LSM11: variants seen among roughly 807,000 people sequenced by gnomAD.
The protein encoded by LSM11 is U7 snRNA-associated Sm-like protein LSm11.
Under a neutral mutation model 28.1 loss-of-function variants are expected in LSM11, and 14 were observed. The observed-to-expected ratio is 0.50, with a 90% CI of 0.33 to 0.78. The LOEUF is 0.78. Among genes scored for constraint, LSM11 ranks in the 30% least tolerant of loss-of-function variants. The pLI is 0.02. For synonymous variants in LSM11, 207 were observed against 214.2 expected (o/e 0.97, Z 0.30); for missense variants, 495 against 510.6 (o/e 0.97, Z 0.30).
At chr5:157,751,354 A>T in intron 1 of LSM11, 36 bp from the exon 2 acceptor site, 1 of 1,545,064 alleles carries the variant, frequency 6.5e-7, no homozygotes. Flanking sequence ...GAGGGCAGAT[A>T]TTAAAACTGT....
chr5:157,749,059 A>G (rs1334722176), intron 1 of LSM11, among the ~76,000 whole-genome samples: 1 of 152,206 alleles, frequency 6.6e-6, no homozygotes, highest in East Asian at 1.9e-4. Context: ...TGATCACACA[A>G]GGATACAAGG....
In LSM11 at chr5:157,744,089, C is replaced by G; in HGVS notation, c.339C>G (p.Leu113=). ...CGGACCCCGAGCGCATCCAGCGCCTCCGCCGTCTCATGGTGGCCAAAGAGG... is the reference window on the plus strand; with the variant it reads ...CGGACCCCGAGCGCATCCAGCGCCTGCGCCGTCTCATGGTGGCCAAAGAGG... The part of the protein sequence containing the change: ...PAPDPERIQR[L]RRLMVAKEEG... Residue 113 remains leucine (L), a synonymous_variant, in exon 1 of 4, where the codon CTC becomes CTG. Coordinates refer to ENST00000286307, the MANE Select transcript of LSM11 (RefSeq NM_173491.4). The G allele has an allele frequency of 6.7e-7, 1 of 1,486,506 alleles. No individual in the cohort carries two copies. Among genetic ancestry groups the G allele is most frequent in the Non-Finnish European group, 8.9e-7 (1 of 1,124,056 alleles). 92.1% of individuals were successfully genotyped at this position (1,486,506 alleles called of 1,614,324 possible).
chr5:157,746,675 C>T (rs905520444), intron 1 of LSM11, among the ~76,000 whole-genome samples: 1 of 152,050 alleles, frequency 6.6e-6, no homozygotes, highest in African/African-American at 2.4e-5. Context: ...TTTGGGAGGC[C>T]GAGGCGGGCA....
Position 157,755,322 on chromosome 5 carries a change from G to C in LSM11, c.*58G>C, listed in dbSNP as rs944864928. The C allele has an allele frequency of 1.5e-4, 231 of 1,506,584 alleles. No homozygotes were observed. Among genetic ancestry groups the C allele is most frequent in the Admixed American group, 2.4e-4 (13 of 55,000 alleles). 93.3% of individuals were successfully genotyped at this position (1,506,584 alleles called of 1,614,324 possible). On this transcript the variant is annotated 3_prime_UTR_variant, in exon 4 of 4. Transcript: ENST00000286307. ...AAAGTGCATGAATTGCTGCTATGCT[G>C]TATCCTAGTATCCCAGTGAAACTCT... is the stretch of plus-strand genomic sequence containing the variant.
In LSM11 at chr5:157,755,724, A is replaced by T; in HGVS notation, c.*460A>T. The T allele has an allele frequency of 2.5e-6, 1 of 401,486 alleles. No homozygotes were observed. The highest frequency in any genetic ancestry group is 4.4e-6 in the Non-Finnish European group (1 of 227,790). 24.9% of individuals were successfully genotyped at this position (401,486 alleles called of 1,614,324 possible). On this transcript the variant is annotated 3_prime_UTR_variant, in exon 4 of 4. Coordinates refer to ENST00000286307, the MANE Select transcript of LSM11 (RefSeq NM_173491.4). ...TGGAGCCCTGCATCCACGTCTTGTAACTAACTTTTGAATTTTGCCTGACAT... is the reference window on the plus strand; with the variant it reads ...TGGAGCCCTGCATCCACGTCTTGTATCTAACTTTTGAATTTTGCCTGACAT...
rs1281994039 is a variant in LSM11 at position 157,756,096 on chromosome 5, G to A, written c.*832G>A. ...GAACTGTCCTGTGAGCTTTATGTCA[G>A]GAGACTGTGACCTTCATGTCCAGCT... On this transcript the variant is annotated 3_prime_UTR_variant, in exon 4 of 4. Coordinates refer to ENST00000286307, the MANE Select transcript of LSM11 (RefSeq NM_173491.4). The A allele has an allele frequency of 1.8e-5, 3 of 170,548 alleles. No homozygotes were observed. The highest frequency in any genetic ancestry group is 7.1e-5 in the African/African-American group (3 of 42,298). 10.6% of individuals were successfully genotyped at this position (170,548 alleles called of 1,614,324 possible). A position where few individuals can be genotyped will look rare whatever the true frequency, so the allele number is the denominator to read the frequency against.
intron 1 of LSM11, among the ~76,000 whole-genome samples, chr5:157,747,183 C>T (rs543211054): frequency 1.3e-5 from 2 of 152,158 alleles, no homozygotes; most frequent in Non-Finnish European, 2.9e-5. Context: ...TCCTTAGTAT[C>T]GCAGCACCAT....
intron 1 of LSM11, chr5:157,747,576 C>A: frequency 4.4e-6 from 1 of 225,368 alleles, no homozygotes. Context: ...TGACGTGATA[C>A]CATGATTGAA....
chr5:157,755,043 T>C lies in LSM11; in HGVS notation c.862T>C (p.Ser288Pro). 6.2e-7 allele frequency: 1 copy of C among 1,614,186 alleles called. No homozygotes were observed. The highest frequency in any genetic ancestry group is 1.1e-5 in the South Asian group (1 of 91,088). The change falls in exon 4 of 4, where the codon TCT becomes CCT. Residue 288 changes from serine (S) to proline (P), a missense_variant. Physicochemically the swap from Ser to Pro is moderately conservative, Grantham distance 74. Coordinates refer to ENST00000286307, the MANE Select transcript of LSM11 (RefSeq NM_173491.4). ...SRSVPSSLQA[S>P]AREESRSELS... ...CTCTGTCCCTTCTTCCCTGCAGGCCTCTGCAAGGGAGGAGTCCAGGTCAGA... is the reference window on the plus strand; with the variant it reads ...CTCTGTCCCTTCTTCCCTGCAGGCCCCTGCAAGGGAGGAGTCCAGGTCAGA...
At chr5:157,754,191 GT>G in intron 3 of LSM11, 104 bp downstream of exon 3, 1 of 725,518 alleles carries the variant, frequency 1.4e-6, no homozygotes, top group Non-Finnish European at 2.1e-6. Context: ...GGAAATCTCT[GT>G]TGCTATAAAC....
At chr5:157,751,169 TTC>T (rs1761225110) in intron 1 of LSM11, among the ~76,000 whole-genome samples, 1 of 152,202 alleles carries the variant, frequency 6.6e-6, no homozygotes, top group Non-Finnish European at 1.5e-5. Flanking sequence ...TTGGCTGATA[TTC>T]ATACATATGG....
At chr5:157,749,501 T>C (rs1251792158) in intron 1 of LSM11, among the ~76,000 whole-genome samples, 3 of 152,236 alleles carry the variant, frequency 2.0e-5, no homozygotes, top group Non-Finnish European at 2.9e-5. Context: ...TTCACACAAC[T>C]AGTTATAATG....
At position 157,756,815 on chromosome 5, in the gene LSM11, T is replaced by C. The variant is rs1260212727; in HGVS notation, c.*1551T>C. On this transcript the variant is annotated 3_prime_UTR_variant, in exon 4 of 4. Coordinates refer to ENST00000286307, the MANE Select transcript of LSM11 (RefSeq NM_173491.4). ...AGTAATTTTTCCTGACTCTGTTTCATAGCTTTGTAAGAATTCTGTGTCTTT... is the reference window on the plus strand; with the variant it reads ...AGTAATTTTTCCTGACTCTGTTTCACAGCTTTGTAAGAATTCTGTGTCTTT... 1 of 152,640 alleles carries C rather than the reference T, an allele frequency of 6.6e-6. No homozygotes were observed. The highest frequency in any genetic ancestry group is 1.5e-5 in the Non-Finnish European group (1 of 68,046). 9.5% of individuals were successfully genotyped at this position (152,640 alleles called of 1,614,324 possible). A position where few individuals can be genotyped will look rare whatever the true frequency, so the allele number is the denominator to read the frequency against.
chr5:157,747,944 T>A (rs543524760), intron 1 of LSM11, among the ~76,000 whole-genome samples: 1 of 152,262 alleles, frequency 6.6e-6, no homozygotes, highest in South Asian at 2.1e-4. Flanking sequence ...CAGTCAGCTG[T>A]CTCCAGTGCA....
chr5:157,755,727 AACTT>A lies in LSM11; in HGVS notation c.*464_*467del, dbSNP rs1024634980. 2.5e-6 allele frequency: 1 copy of A among 401,532 alleles called. No homozygotes were observed. Among genetic ancestry groups the A allele is most frequent in the Non-Finnish European group, 4.4e-6 (1 of 227,930 alleles). 24.9% of individuals were successfully genotyped at this position (401,532 alleles called of 1,614,324 possible). A position where few individuals can be genotyped will look rare whatever the true frequency, so the allele number is the denominator to read the frequency against. On this transcript the variant is annotated 3_prime_UTR_variant, in exon 4 of 4. Coordinates refer to ENST00000286307, the MANE Select transcript of LSM11 (RefSeq NM_173491.4). ...AGCCCTGCATCCACGTCTTGTAACTAACTTTTGAATTTTGCCTGACATGATTCTC... is the reference window on the plus strand; with the variant it reads ...AGCCCTGCATCCACGTCTTGTAACTATTGAATTTTGCCTGACATGATTCTC...
In LSM11 at chr5:157,754,942, C is replaced by CA; in HGVS notation, c.762dup (p.Gln255ThrfsTer72). ...GAAGATTCCACTCTGTCTAGATACT[C>CA]ACAGACATCCACTTGGAAGTTGGCT... On this transcript the variant is annotated frameshift_variant, in exon 4 of 4. Coordinates refer to ENST00000286307, the MANE Select transcript of LSM11 (RefSeq NM_173491.4). LOFTEE classifies it high-confidence loss of function. 1 of 1,614,050 alleles carries CA rather than the reference C, an allele frequency of 6.2e-7. No homozygotes were observed. The highest frequency in any genetic ancestry group is 1.1e-5 in the South Asian group (1 of 91,086).
chr5:157,744,039 C>T lies in LSM11; in HGVS notation c.289C>T (p.Arg97Cys). 7.0e-7 allele frequency: 1 copy of T among 1,421,898 alleles called. No individual in the cohort carries two copies. Among genetic ancestry groups the T allele is most frequent in the Non-Finnish European group, 9.2e-7 (1 of 1,086,154 alleles). The allele number at this position is 1,421,898 out of a possible 1,614,324, so 88.1% of individuals were successfully genotyped here. ...CGCACCCGGGCCCTCGGGCAGGACT[C>T]GTCGCCGCCCGGACGCGCCCGCCCC... The part of the protein sequence containing the change: ...PAAPGPSGRT[R>C]RRPDAPAPDP... Residue 97 changes from arginine to cysteine, a missense_variant, in exon 1 of 4, where the codon CGT (arginine) becomes TGT (cysteine). Physicochemically the swap from Arg to Cys is radical, Grantham distance 180. Coordinates refer to ENST00000286307, the MANE Select transcript of LSM11 (RefSeq NM_173491.4).
In LSM11 at chr5:157,754,844, T is replaced by G. The variant is rs1334744032; in HGVS notation, c.673-10T>G. 3 of 1,604,962 alleles carry G rather than the reference T, an allele frequency of 1.9e-6. No individual in the cohort carries two copies. The East Asian group carries it at 6.7e-5, about 36-fold the overall frequency. ...GAGAAGGCTAATATTTATCATTGTT[T>G]GCTTTATAGCTATTTGATCGGCTGA... is the stretch of plus-strand genomic sequence containing the variant. On this transcript the variant is annotated splice_polypyrimidine_tract_variant and intron_variant, in intron 3 of 3. Transcript: ENST00000286307.
At chr5:157,750,596 G>A (rs1326972202) in intron 1 of LSM11, among the ~76,000 whole-genome samples, 8 of 152,186 alleles carry the variant, frequency 5.3e-5, no homozygotes, top group Admixed American at 5.2e-4. Context: ...GGGGTCAAAG[G>A]CCTTTCTTTC....
Sources: gnomAD v4.1 joint callset for allele counts (sites outside exome capture counted in the v4.1 genomes callset) on GRCh38, gnomAD v4.1.1 for gene constraint, MANE v1.5 for transcripts, NCBI Gene and HGNC (gene_info 2026-07-23, HGNC 2026-07-21) for gene names.